TPX2: variants seen among roughly 807,000 people sequenced by gnomAD.
TPX2 encodes the protein TPX2 microtubule nucleation factor.
TPX2 carries 21 observed loss-of-function variants against 93.6 expected under a neutral mutation model. That is an observed-to-expected ratio of 0.22 (90% CI 0.16 to 0.32). The LOEUF (loss-of-function observed/expected upper bound fraction) is 0.32. TPX2 is among the 10% of genes least tolerant of loss of function. The probability of loss-of-function intolerance (pLI) is 1.00; values close to 1 mark genes in which losing one functional copy is unlikely to be tolerated. For missense variants in TPX2, 776 were observed against 871.1 expected, an observed-to-expected ratio of 0.89 and a Z score of 1.37; for synonymous variants, 281 against 298.3, an observed-to-expected ratio of 0.94 and a Z score of 0.60.
intron 5 of TPX2, 119 bp downstream of exon 5, chr20:31,766,801 T>TC (rs2061930209): frequency 9.5e-7 from 1 of 1,056,762 alleles, no homozygotes; most frequent in East Asian, 3.1e-5. Context: ...GTTACTTTTT[T>TC]TTTTTTTTTT....
intron 2 of TPX2, among the ~76,000 whole-genome samples, chr20:31,752,404 A>G (rs952424119): frequency 6.6e-6 from 1 of 152,210 alleles, no homozygotes; most frequent in African/African-American, 2.4e-5. Context: ...ATCAGGAGGT[A>G]ACTTCCATTT....
At chr20:31,778,742 A>G in intron 9 of TPX2, 71 bp from the exon 10 acceptor site, 1 of 1,407,540 alleles carries the variant, frequency 7.1e-7, no homozygotes, top group Non-Finnish European at 9.5e-7. Flanking sequence ...CTCTGTGCCG[A>G]ATATGTGGCT....
chr20:31,785,638 C>G (rs1035128167), intron 12 of TPX2, among the ~76,000 whole-genome samples: 1 of 152,116 alleles, frequency 6.6e-6, no homozygotes, highest in African/African-American at 2.4e-5. Context: ...GTTGGGATTA[C>G]AGGCGCATGC....
At chr20:31,760,376 C>G (rs2061882020) in intron 4 of TPX2, among the ~76,000 whole-genome samples, 197 bp downstream of exon 4, 1 of 151,624 alleles carries the variant, frequency 6.6e-6, no homozygotes, top group Admixed American at 6.6e-5. Context: ...CTTAAGCTAA[C>G]ATAGAATTTT....
intron 4 of TPX2, 132 bp from the exon 5 acceptor site, chr20:31,766,424 C>A: frequency 1.0e-6 from 1 of 993,770 alleles, no homozygotes; most frequent in Non-Finnish European, 1.4e-6. Flanking sequence ...TAAGATTTAA[C>A]TGGAACTAAG....
chr20:31,789,924 C>G (rs958744013), intron 12 of TPX2, among the ~76,000 whole-genome samples: 7 of 152,306 alleles, frequency 4.6e-5, no homozygotes, highest in African/African-American at 1.7e-4. Flanking sequence ...TCCTCAATTA[C>G]TTATTTCAAT....
intron 4 of TPX2, among the ~76,000 whole-genome samples, chr20:31,764,876 T>G (rs1193711084): frequency 6.6e-6 from 1 of 152,110 alleles, no homozygotes; most frequent in East Asian, 1.9e-4. Context: ...TTATCAGGAG[T>G]CAGTTCATAT....
At chr20:31,768,349 C>T (rs987858300) in intron 5 of TPX2, among the ~76,000 whole-genome samples, 27 of 151,978 alleles carry the variant, frequency 1.8e-4, no homozygotes, top group Non-Finnish European at 3.5e-4. Flanking sequence ...GATTCTCCTG[C>T]CTCAGCCTCC....
At chr20:31,751,867 C>T (rs370393984) in intron 2 of TPX2, among the ~76,000 whole-genome samples, 10 of 152,108 alleles carry the variant, frequency 6.6e-5, no homozygotes, top group Non-Finnish European at 7.4e-5. Flanking sequence ...CTCAGCCTCC[C>T]GAGTAGCTGG....
rs1259402330 is a variant in TPX2, at chr20:31,758,240, C to T, written c.106+658C>T. On this transcript the variant is annotated intron_variant, in intron 3 of 17. Transcript: ENST00000300403. ...CTTGTTCAAGCGGTTCTGCCTCAGC[C>T]GCCCAAGTAGCTGGGATTACAGGCG... 6.6e-5 allele frequency among the ~76,000 whole-genome samples: 10 copies of T among 151,852 alleles called. No individual in the cohort carries two copies. In the East Asian group the frequency reaches 1.3e-3, roughly 20 times the overall value.
chr20:31,794,096 A>G (rs1483424752), intron 14 of TPX2, 72 bp downstream of exon 14: 21 of 1,425,078 alleles, frequency 1.5e-5, no homozygotes, highest in Non-Finnish European at 1.7e-5. Flanking sequence ...TTTCTGTAGC[A>G]CTTTTAACTA....
At position 31,759,140 on chromosome 20, in the gene TPX2, C is replaced by G. The variant is rs1253096078; in HGVS notation, c.107-917C>G. On this transcript the variant is annotated intron_variant, in intron 3 of 17. Coordinates refer to ENST00000300403, the MANE Select transcript of TPX2 (RefSeq NM_012112.5). ...CACAGTTGCAATCAGAATGTACATG[C>G]ACAGGGTAGTTATTGCTGTGTCTCA... Among the ~76,000 whole-genome samples, 6 of 152,034 alleles carry G rather than the reference C, an allele frequency of 3.9e-5. No homozygotes were observed. The East Asian group carries it at 1.2e-3, about 29-fold the overall frequency.
chr20:31,777,584 G>T lies in TPX2; in HGVS notation c.828G>T (p.Glu276Asp). 1 of 1,614,110 alleles carries T rather than the reference G, an allele frequency of 6.2e-7. No homozygotes were observed. The stretch of plus-strand genomic sequence containing the variant: ...TCAAACAACATCCTAAGAACCAGGA[G>T]GAATATAAGGAAGTGAACTTTACAT... ...ERIKQHPKNQ[E>D]EYKEVNFTSE... Residue 276 changes from glutamate to aspartate, a missense_variant, in exon 9 of 18, where the codon GAG becomes GAT. By Grantham distance (45) the Glu-to-Asp change is conservative (BLOSUM62 2). Around this residue, in one of 3 missense-constraint regions of TPX2, gnomAD observed 279 missense variants for 261.6 expected, o/e 1.07. Coordinates refer to ENST00000300403, the MANE Select transcript of TPX2 (RefSeq NM_012112.5).
intron 5 of TPX2, 115 bp downstream of exon 5, chr20:31,766,797 T>G: frequency 3.1e-6 from 1 of 318,426 alleles, no homozygotes; most frequent in Non-Finnish European, 4.0e-6. Context: ...TTATGTTACT[T>G]TTTTTTTTTT....
intron 4 of TPX2, among the ~76,000 whole-genome samples, chr20:31,762,491 A>G (rs1478854165): frequency 2.6e-5 from 4 of 152,212 alleles, no homozygotes; most frequent in Admixed American, 2.6e-4. Context: ...TTGTGACTAC[A>G]GGCGCGCACC....
At chr20:31,759,959 T>C in intron 3 of TPX2, 98 bp from the exon 4 acceptor site, 4 of 1,503,978 alleles carry the variant, frequency 2.7e-6, no homozygotes, top group Non-Finnish European at 3.6e-6. Context: ...GAGTTGGAAG[T>C]GTACTGGTAG....
chr20:31,793,506 A>G (rs2062116019), intron 13 of TPX2, among the ~76,000 whole-genome samples: 2 of 152,202 alleles, frequency 1.3e-5, no homozygotes. Context: ...TCCCAGTCAC[A>G]TGTTTTAATG....
intron 8 of TPX2, among the ~76,000 whole-genome samples, chr20:31,776,297 G>T (rs1373552405): frequency 6.6e-6 from 1 of 150,920 alleles, no homozygotes; most frequent in African/African-American, 2.4e-5. Context: ...AGCCAGGATG[G>T]TCTCCATCTC....
At chr20:31,784,026 T>A in intron 12 of TPX2, 105 bp downstream of exon 12, 1 of 1,221,158 alleles carries the variant, frequency 8.2e-7, no homozygotes, top group Non-Finnish European at 1.2e-6. Flanking sequence ...GGCATCATAT[T>A]AGGAACTGCA....
Sources: gnomAD v4.1 joint callset for allele counts (sites outside exome capture counted in the v4.1 genomes callset) on GRCh38, gnomAD v4.1.1 for gene constraint, gnomAD v4.1.1 regional missense constraint, MANE v1.5 for transcripts, NCBI Gene and HGNC (gene_info 2026-07-23, HGNC 2026-07-21) for gene names.